The following GOLPH3 variants were observed in gnomAD, a reference collection of about 807,000 sequenced individuals.
GOLPH3 encodes the protein golgi phosphoprotein 3, also known as coat protein GPP34.
Under a neutral mutation model 28.5 loss-of-function variants are expected in GOLPH3, and 14 were observed. The observed-to-expected ratio is 0.49, with a 90% confidence interval of 0.32 to 0.77. GOLPH3 has a LOEUF of 0.77. Ranked by LOEUF, GOLPH3 falls within the 30% of genes least tolerant of loss-of-function variation. GOLPH3 has a pLI of 0.03. For synonymous variants in GOLPH3, 158 were observed against 159.2 expected (o/e 0.99, Z 0.06); for missense variants, 350 against 393.7 (o/e 0.89, Z 0.94).
At chr5:32,140,946 T>C (rs1746048343) in intron 2 of GOLPH3, among the ~76,000 whole-genome samples, 1 of 152,076 alleles carries the variant, frequency 6.6e-6, no homozygotes, top group South Asian at 2.1e-4. Context: ...GCGGATCACT[T>C]GAGCCCAGGA....
intron 2 of GOLPH3, among the ~76,000 whole-genome samples, chr5:32,137,898 C>A (rs114370692): frequency 8.6e-6 from 1 of 116,790 alleles, no homozygotes; most frequent in Non-Finnish European, 1.6e-5. Context: ...TTTAACATTA[C>A]GGTTTTTTTT....
intron 1 of GOLPH3, among the ~76,000 whole-genome samples, chr5:32,157,629 A>C (rs1746458612): frequency 2.6e-5 from 4 of 152,206 alleles, no homozygotes; most frequent in African/African-American, 9.7e-5. Context: ...TGATGTAAAA[A>C]AATATTGAAA....
rs367920345 is a variant in GOLPH3 at position 32,126,304 on chromosome 5, G to A, written c.805C>T (p.Arg269Trp). 28 of 1,613,984 alleles carry A rather than the reference G, an allele frequency of 1.7e-5. 1 individual carries two copies. In the South Asian group the frequency reaches 1.8e-4, roughly 10 times the overall value. Residue 269 changes from arginine (R) to tryptophan (W), a missense_variant, in exon 4 of 4, where the codon CGG becomes TGG. Physicochemically the swap from Arg to Trp is moderately radical, Grantham distance 101. Transcript: ENST00000265070. ...EQYDLATKRV[R>W]QLLDLDPEVE... is the part of the protein sequence containing the mutation. ...TCAGGGTCTAAGTCGAGAAGCTGCC[G>A]CACTCTCTTGGTAGCCAAATCATAC...
At chr5:32,164,074 A>C (rs142635015) in intron 1 of GOLPH3, among the ~76,000 whole-genome samples, 113 of 152,330 alleles carry the variant, frequency 7.4e-4, no homozygotes, top group African/African-American at 2.6e-3. Flanking sequence ...TTTTACCTTA[A>C]AACTTTAACT....
intron 1 of GOLPH3, among the ~76,000 whole-genome samples, chr5:32,159,269 GAC>G (rs1425521586): frequency 2.0e-5 from 3 of 152,188 alleles, no homozygotes; most frequent in Non-Finnish European, 4.4e-5. Flanking sequence ...TTAGGGATGG[GAC>G]CTAAGTCTAA....
intron 1 of GOLPH3, among the ~76,000 whole-genome samples, chr5:32,165,464 T>C (rs1452577792): frequency 6.6e-6 from 1 of 152,002 alleles, no homozygotes; most frequent in Non-Finnish European, 1.5e-5. Context: ...GTGCCTGTAA[T>C]CCCAGCTACT....
chr5:32,135,357 G>GT (rs1448829670), intron 3 of GOLPH3, among the ~76,000 whole-genome samples: 1 of 152,192 alleles, frequency 6.6e-6, no homozygotes, highest in Non-Finnish European at 1.5e-5. Flanking sequence ...AGCTCTAAGA[G>GT]TATTATCTTC....
At chr5:32,151,724 A>G (rs1483130405) in intron 1 of GOLPH3, among the ~76,000 whole-genome samples, 1 of 152,256 alleles carries the variant, frequency 6.6e-6, no homozygotes, top group East Asian at 1.9e-4. Flanking sequence ...ATTTGGATAA[A>G]TATAGTATAT....
In GOLPH3 at chr5:32,124,938, G is replaced by C. The variant is rs1422558577; in HGVS notation, c.*1274C>G. 1 of 152,526 alleles carries C rather than the reference G, an allele frequency of 6.6e-6. No individual in the cohort carries two copies. The highest frequency in any genetic ancestry group is 1.5e-5 in the Non-Finnish European group (1 of 68,026). The allele number at this position is 152,526 out of a possible 1,614,324, so 9.4% of individuals were successfully genotyped here. A position where few individuals can be genotyped will look rare whatever the true frequency, so the allele number is the denominator to read the frequency against. ...TGACATTTAATTTGTTCAACATATA[G>C]TATTTACATTATGAAACCAATGGTG... On this transcript the variant is annotated 3_prime_UTR_variant, in exon 4 of 4. Coordinates refer to ENST00000265070, the MANE Select transcript of GOLPH3 (RefSeq NM_022130.4).
chr5:32,135,144 G>A (rs559659862), intron 3 of GOLPH3, among the ~76,000 whole-genome samples: 1 of 152,306 alleles, frequency 6.6e-6, no homozygotes, highest in Non-Finnish European at 1.5e-5. Context: ...TTATTATAGT[G>A]ACTGATACTG....
chr5:32,174,078 C>T lies in GOLPH3; in HGVS notation c.-44G>A. On this transcript the variant is annotated 5_prime_UTR_variant, in exon 1 of 4. Transcript: ENST00000265070. ...GAGCCGGGCCGAGAGGGTCGCAGGA[C>T]CGACCGGGTCGCCCTCCTCCTCCCC... 8.2e-7 allele frequency: 1 copy of T among 1,219,726 alleles called. No homozygotes were observed. Among genetic ancestry groups the T allele is most frequent in the South Asian group, 3.5e-5 (1 of 28,430 alleles). 75.6% of individuals were successfully genotyped at this position (1,219,726 alleles called of 1,614,324 possible).
At chr5:32,129,150 C>G (rs1413265038) in intron 3 of GOLPH3, among the ~76,000 whole-genome samples, 2 of 152,294 alleles carry the variant, frequency 1.3e-5, no homozygotes, top group South Asian at 2.1e-4. Flanking sequence ...CCACTGCACT[C>G]TAGCCTGGGT....
At position 32,126,090 on chromosome 5, in the gene GOLPH3, AT is replaced by A. The variant is rs1745671850; in HGVS notation, c.*121del. On this transcript the variant is annotated 3_prime_UTR_variant, in exon 4 of 4. Transcript: ENST00000265070. Reference sequence around the variant, plus strand: ...TACAAAAAAGAAAAAGCCACCCACCATTTTGTAAAACAGAAGCCAATTATAG... The same window carrying A: ...TACAAAAAAGAAAAAGCCACCCACCATTTGTAAAACAGAAGCCAATTATAG... 2 of 1,013,574 alleles carry A rather than the reference AT, an allele frequency of 2.0e-6. No individual in the cohort carries two copies. The highest frequency in any genetic ancestry group is 3.3e-5 in the South Asian group (2 of 59,998). The allele number at this position is 1,013,574 out of a possible 1,614,324, so 62.8% of individuals were successfully genotyped here.
At position 32,174,301 on chromosome 5, in the gene GOLPH3, G is replaced by C. The variant is rs1418550912; in HGVS notation, c.-267C>G. 3.1e-6 allele frequency: 1 copy of C among 327,470 alleles called. No homozygotes were observed. Among genetic ancestry groups the C allele is most frequent in the African/African-American group, 2.1e-5 (1 of 46,520 alleles). 20.3% of individuals were successfully genotyped at this position (327,470 alleles called of 1,614,324 possible). A position where few individuals can be genotyped will look rare whatever the true frequency, so the allele number is the denominator to read the frequency against. On this transcript the variant is annotated 5_prime_UTR_variant, in exon 1 of 4. Transcript: ENST00000265070. ...CCCCGAGCTCCAAGGCGGAGGCGGCGGCGGCGCCTTTCCAATATGGCGGCC... is the reference window on the plus strand; with the variant it reads ...CCCCGAGCTCCAAGGCGGAGGCGGCCGCGGCGCCTTTCCAATATGGCGGCC...
intron 1 of GOLPH3, among the ~76,000 whole-genome samples, chr5:32,160,969 A>G (rs1486096935): frequency 6.9e-6 from 1 of 145,034 alleles, no homozygotes; most frequent in East Asian, 2.2e-4. Context: ...CGGGAGGCTG[A>G]GGCAGGAGAA....
chr5:32,167,299 G>A (rs1006774746), intron 1 of GOLPH3, among the ~76,000 whole-genome samples: 3 of 152,188 alleles, frequency 2.0e-5, no homozygotes, highest in African/African-American at 7.2e-5. Context: ...AGCCTCCCGA[G>A]TAGCTGGGAT....
intron 1 of GOLPH3, among the ~76,000 whole-genome samples, chr5:32,170,477 T>C (rs960021240): frequency 6.6e-6 from 1 of 152,316 alleles, no homozygotes; most frequent in East Asian, 1.9e-4. Flanking sequence ...ATTAAAAAGA[T>C]AAATGCTGAA....
intron 2 of GOLPH3, among the ~76,000 whole-genome samples, chr5:32,142,218 C>G (rs1031251723): frequency 1.3e-5 from 2 of 151,768 alleles, no homozygotes; most frequent in African/African-American, 4.8e-5. Context: ...TGCCCGGCCG[C>G]CCATCGTCTG....
chr5:32,148,696 C>T (rs1483732664), intron 1 of GOLPH3, among the ~76,000 whole-genome samples: 1 of 151,784 alleles, frequency 6.6e-6, no homozygotes, highest in Non-Finnish European at 1.5e-5. Context: ...ACTCGGGAGG[C>T]TGAGGCAGGA....
Sources: allele counts gnomAD v4.1 joint callset (sites outside exome capture counted in the v4.1 genomes callset), GRCh38; gene constraint gnomAD v4.1.1; transcripts MANE v1.5; gene names NCBI Gene and HGNC (gene_info 2026-07-23, HGNC 2026-07-21).